The following MYO16 variants were observed in gnomAD, a reference collection of about 807,000 sequenced individuals.
The protein encoded by MYO16 is myosin XVI.
Under a neutral mutation model 205.3 loss-of-function variants are expected in MYO16, and 94 were observed. That is an observed-to-expected ratio of 0.46 (90% confidence interval 0.39 to 0.54). The LOEUF (loss-of-function observed/expected upper bound fraction) is 0.54. Among genes scored for constraint, MYO16 ranks in the 20% least tolerant of loss-of-function variants. The pLI is 0.00. For synonymous variants in MYO16, 988 were observed against 954.0 expected (o/e 1.04, Z -0.66); for missense variants, 2,315 against 2,387.5 (o/e 0.97, Z 0.63).
chr13:108,657,960 A>G, intron 1 of MYO16, among the ~76,000 whole-genome samples: 1 of 152,238 alleles, frequency 6.6e-6, no homozygotes. Context: ...GACAAACTAT[A>G]CATTCATGGG....
chr13:108,990,147 T>TACACACACAC (rs56975148), intron 20 of MYO16, among the ~76,000 whole-genome samples: 32 of 148,396 alleles, frequency 2.2e-4, no homozygotes, highest in African/African-American at 4.5e-4. Context: ...ACACAGACAA[T>TACACACACAC]ACACACACAC....
At chr13:108,568,186 A>G in the MYO16 span, among the ~76,000 whole-genome samples, 1 of 152,254 alleles carries the variant, frequency 6.6e-6, no homozygotes, top group Non-Finnish European at 1.5e-5. Context: ...TAAGTTTTTT[A>G]TAAATGTAGG....
At chr13:108,833,954 C>G (rs938532965) in intron 9 of MYO16, among the ~76,000 whole-genome samples, 4 of 151,954 alleles carry the variant, frequency 2.6e-5, no homozygotes, top group Non-Finnish European at 4.4e-5. Context: ...CATTTTTTCT[C>G]ACCAAATAAA....
At chr13:109,036,613 TAA>T (rs1242937199) in intron 23 of MYO16, among the ~76,000 whole-genome samples, 1 of 152,196 alleles carries the variant, frequency 6.6e-6, no homozygotes, top group African/African-American at 2.4e-5. Context: ...AGCAAAATGC[TAA>T]GTTTTCTTTT....
Position 108,793,628 on chromosome 13 carries a change from A to C in MYO16, c.729A>C (p.Glu243Asp), listed in dbSNP as rs202097676. ...SGGNVNEKND[E>D]GVTLLHMACA... Reference sequence around the variant, plus strand: ...GAAATGTCAATGAGAAAAACGATGAAGGAGTAACCCTGGTAAGTTCATATA... The same window carrying C: ...GAAATGTCAATGAGAAAAACGATGACGGAGTAACCCTGGTAAGTTCATATA... The change falls in exon 6 of 35, where the codon GAA becomes GAC. Residue 243 changes from glutamate to aspartate, a missense_variant. By Grantham distance (45) the Glu-to-Asp change is conservative. This residue lies in a region of MYO16 where 1,213 missense variants were observed against 1,274.4 expected (regional missense o/e 0.95). Transcript: ENST00000457511. The C allele has an allele frequency of 2.0e-5, 32 of 1,613,714 alleles. No individual in the cohort carries two copies. The East Asian group carries it at 6.5e-4, about 33-fold the overall frequency.
intron 22 of MYO16, among the ~76,000 whole-genome samples, chr13:109,009,627 G>A (rs1167834396): frequency 6.6e-6 from 1 of 152,130 alleles, no homozygotes; most frequent in Non-Finnish European, 1.5e-5. Context: ...CAATTGCGAT[G>A]TACTAATATA....
At chr13:109,028,294 CTA>C (rs1348704090) in intron 23 of MYO16, 1 of 189,308 alleles carries the variant, frequency 5.3e-6, no homozygotes, top group Non-Finnish European at 1.1e-5. Flanking sequence ...ATTAAATTCT[CTA>C]AATATAGTAT....
At chr13:108,521,138 C>A in the MYO16 span, among the ~76,000 whole-genome samples, 7 of 152,214 alleles carry the variant, frequency 4.6e-5, no homozygotes, top group Admixed American at 4.6e-4. Context: ...AAGCTATATT[C>A]TCCAACCTTC....
intron 28 of MYO16, 55 bp downstream of exon 28, chr13:109,100,942 T>A: frequency 1.3e-6 from 2 of 1,487,910 alleles, no homozygotes; most frequent in Non-Finnish European, 1.9e-6. Context: ...ATAAATGAGC[T>A]GAGTCATTGC....
At chr13:109,034,034 CAG>C (rs1044574055) in intron 23 of MYO16, among the ~76,000 whole-genome samples, 2 of 152,062 alleles carry the variant, frequency 1.3e-5, no homozygotes, top group African/African-American at 4.8e-5. Flanking sequence ...GAAAAGGGCA[CAG>C]ATTCATTCGA....
the MYO16 span, among the ~76,000 whole-genome samples, chr13:108,576,489 T>C: frequency 1.3e-5 from 2 of 152,312 alleles, no homozygotes; most frequent in East Asian, 1.9e-4. Flanking sequence ...TGGAAAACAA[T>C]AGTAATTATA....
At chr13:108,519,683 A>C in the MYO16 span, among the ~76,000 whole-genome samples, 1 of 151,076 alleles carries the variant, frequency 6.6e-6, no homozygotes, top group Non-Finnish European at 1.5e-5. Flanking sequence ...AAAAAAATCA[A>C]ACTTTTACAC....
chr13:108,886,004 G>A (rs1052120938), intron 13 of MYO16, among the ~76,000 whole-genome samples: 1 of 150,102 alleles, frequency 6.7e-6, no homozygotes, highest in African/African-American at 2.5e-5. Flanking sequence ...TTTTTGATAT[G>A]GAGTCTTGAG....
Position 108,777,773 on chromosome 13 carries a change from T to C in MYO16, c.508-7862T>C, listed in dbSNP as rs138673639. Among the ~76,000 whole-genome samples the C allele has an allele frequency of 9.1e-4, 139 of 152,304 alleles. 3 individuals carry two copies. The East Asian group carries it at 0.016, about 18-fold the overall frequency. ...TAATATTCTGCCCTTGTTTGTCTAA[T>C]GTTGTAAGAATCCACGTTTACCTGT... On this transcript the variant is annotated intron_variant, in intron 4 of 34. Transcript: ENST00000457511.
the MYO16 span, among the ~76,000 whole-genome samples, chr13:108,536,008 C>T: frequency 9.5e-4 from 141 of 148,928 alleles, no homozygotes; most frequent in African/African-American, 3.2e-3. Context: ...TGTGTATATG[C>T]GCATACGTGT....
chr13:108,570,073 A>G, the MYO16 span, among the ~76,000 whole-genome samples: 1 of 152,096 alleles, frequency 6.6e-6, no homozygotes, highest in African/African-American at 2.4e-5. Context: ...AGTCATGGAA[A>G]TTATCTATAC....
At chr13:109,029,297 G>T (rs1414862478) in intron 23 of MYO16, among the ~76,000 whole-genome samples, 3 of 151,756 alleles carry the variant, frequency 2.0e-5, no homozygotes, top group Admixed American at 6.6e-5. Context: ...TGTATTTTTA[G>T]TAGAGACAGG....
intron 1 of MYO16, among the ~76,000 whole-genome samples, chr13:108,647,995 G>A (rs1880828068): frequency 6.6e-6 from 1 of 152,186 alleles, no homozygotes; most frequent in African/African-American, 2.4e-5. Context: ...AACCAAAACA[G>A]AGATGGCCCC....
intron 28 of MYO16, among the ~76,000 whole-genome samples, chr13:109,116,920 G>T (rs1875718844): frequency 2.0e-5 from 3 of 152,170 alleles, no homozygotes; most frequent in African/African-American, 7.2e-5. Context: ...GTGGGTTTTT[G>T]ATGTAGTGAT....
Sources: allele counts gnomAD v4.1 joint callset (sites outside exome capture counted in the v4.1 genomes callset), GRCh38; gene constraint gnomAD v4.1.1; regional missense constraint gnomAD v4.1.1; transcripts MANE v1.5; gene names NCBI Gene and HGNC (gene_info 2026-07-23, HGNC 2026-07-21).